The following C13orf46 variants were observed in gnomAD, a reference collection of about 807,000 sequenced individuals.
The protein encoded by C13orf46 is uncharacterized protein C13orf46.
chr13:113,936,891 T>C, the C13orf46 span, among the ~76,000 whole-genome samples: 1 of 152,228 alleles, frequency 6.6e-6, no homozygotes, highest in Admixed American at 6.5e-5. Context: ...AGTGACGTTA[T>C]CTGCGGGAGT....
the C13orf46 span, among the ~76,000 whole-genome samples, chr13:113,943,202 G>A: frequency 1.7e-3 from 259 of 152,292 alleles, 1 homozygote; most frequent in Middle Eastern, 6.8e-3. Context: ...ACAAGTGACC[G>A]TGGGCCATGA....
At chr13:113,948,783 C>G (rs1451088389), downstream of C13orf46, among the ~76,000 whole-genome samples, 1 of 152,176 alleles carries the variant, frequency 6.6e-6, no homozygotes, top group African/African-American at 2.4e-5. Flanking sequence ...CGAAGGAGAC[C>G]TGAATAAATT....
At chr13:113,945,585 G>A in the C13orf46 span, among the ~76,000 whole-genome samples, 60 of 134,046 alleles carry the variant, frequency 4.5e-4, no homozygotes, top group Middle Eastern at 0.011. Context: ...AAGAGAGAGA[G>A]AGAGAGAGAA....
rs2052511039 is a variant in C13orf46, at chr13:113,954,985, AGGAGGATC to A, written c.*1780_*1787del. The A allele has an allele frequency of 5.8e-6, 1 of 172,286 alleles. No individual in the cohort carries two copies. Among genetic ancestry groups the A allele is most frequent in the Non-Finnish European group, 1.2e-5 (1 of 81,822 alleles). The allele number at this position is 172,286 out of a possible 1,614,324, so 10.7% of individuals were successfully genotyped here. A position where few individuals can be genotyped will look rare whatever the true frequency, so the allele number is the denominator to read the frequency against. ...GGAGGAGGATCTGGCGGAGACGAGG[AGGAGGATC>A]TGGCAGAGAGGAGGAGTAGGATCTG... On this transcript the variant is annotated 3_prime_UTR_variant, in exon 7 of 7. Transcript: ENST00000636427.
At chr13:113,945,679 A>AAG in the C13orf46 span, among the ~76,000 whole-genome samples, 29 of 142,572 alleles carry the variant, frequency 2.0e-4, no homozygotes, top group African/African-American at 7.3e-4. Context: ...AAAGGAAAGA[A>AAG]AAACAAACCA....
At chr13:113,958,655 G>A (rs897338696) in intron 6 of C13orf46, among the ~76,000 whole-genome samples, 6 of 152,354 alleles carry the variant, frequency 3.9e-5, no homozygotes, top group South Asian at 2.1e-4. Context: ...GACGGCTCGC[G>A]GGCGACAGCC....
At chr13:113,937,047 G>T in the C13orf46 span, among the ~76,000 whole-genome samples, 3 of 152,276 alleles carry the variant, frequency 2.0e-5, no homozygotes, top group South Asian at 4.1e-4. Flanking sequence ...TTGCGGAAGG[G>T]TTATTATCAT....
chr13:113,945,865 G>A, the C13orf46 span, among the ~76,000 whole-genome samples: 149 of 152,196 alleles, frequency 9.8e-4, no homozygotes, highest in African/African-American at 3.3e-3. Context: ...TCTTATCCAG[G>A]CCATGTGACA....
At chr13:113,958,010 G>A (rs1216929089) in intron 6 of C13orf46, among the ~76,000 whole-genome samples, 1 of 145,714 alleles carries the variant, frequency 6.9e-6, no homozygotes, top group African/African-American at 2.6e-5. Flanking sequence ...CAAGCACACT[G>A]GGGGATCTCC....
the C13orf46 span, chr13:113,927,669 T>C: frequency 2.5e-6 from 1 of 398,492 alleles, no homozygotes; most frequent in Admixed American, 4.4e-5. Flanking sequence ...GAATAATTAA[T>C]AACTGTGACT....
rs2052534991 is a variant in C13orf46, at chr13:113,956,410, C to G, written c.*363G>C. The stretch of plus-strand genomic sequence containing the variant: ...AGCATCTGGTGGAGAGGAGGAGCAT[C>G]TGGTGGAGAGGAGGAGCATCTTCCC... On this transcript the variant is annotated 3_prime_UTR_variant, in exon 7 of 7. Coordinates refer to ENST00000636427, the MANE Select transcript of C13orf46 (RefSeq NM_001365455.2). The G allele has an allele frequency of 6.5e-6, 1 of 152,724 alleles. No individual in the cohort carries two copies. The highest frequency in any genetic ancestry group is 1.9e-4 in the South Asian group (1 of 5,384). 9.5% of individuals were successfully genotyped at this position (152,724 alleles called of 1,614,324 possible).
intron 1 of C13orf46, among the ~76,000 whole-genome samples, chr13:113,972,892 G>A (rs1055735659): frequency 1.3e-5 from 2 of 152,160 alleles, no homozygotes; most frequent in Non-Finnish European, 2.9e-5. Context: ...TCCCGCCCTT[G>A]GCTGTGCCCG....
downstream of C13orf46, among the ~76,000 whole-genome samples, chr13:113,952,459 G>A (rs2052493231): frequency 6.6e-6 from 1 of 152,194 alleles, no homozygotes; most frequent in Non-Finnish European, 1.5e-5. Flanking sequence ...CCACCTCGGA[G>A]GTGCAGGCAC....
At chr13:113,939,445 C>T in the C13orf46 span, among the ~76,000 whole-genome samples, 2 of 151,966 alleles carry the variant, frequency 1.3e-5, no homozygotes, top group Non-Finnish European at 2.9e-5. Context: ...CGGGGATCAC[C>T]CAACTGGGAA....
the C13orf46 span, among the ~76,000 whole-genome samples, chr13:113,939,332 G>A: frequency 4.0e-5 from 6 of 150,152 alleles, no homozygotes; most frequent in Middle Eastern, 3.2e-3. Context: ...GGGACCACCC[G>A]ATGGGGAGGA....
intron 1 of C13orf46, among the ~76,000 whole-genome samples, chr13:113,973,406 C>T (rs946430410): frequency 6.6e-6 from 1 of 152,126 alleles, no homozygotes; most frequent in Non-Finnish European, 1.5e-5. Context: ...AGTCACGGAG[C>T]CGGACGAGGA....
At chr13:113,932,639 G>C in the C13orf46 span, among the ~76,000 whole-genome samples, 6 of 152,138 alleles carry the variant, frequency 3.9e-5, no homozygotes, top group Non-Finnish European at 8.8e-5. Flanking sequence ...TTTTGAACAT[G>C]GTTTGCAAAT....
chr13:113,945,543 AAG>A, the C13orf46 span, among the ~76,000 whole-genome samples: 1 of 59,666 alleles, frequency 1.7e-5, no homozygotes, highest in Non-Finnish European at 4.0e-5. Flanking sequence ...GAATCTGAGA[AAG>A]AAAGAAAGAA....
At chr13:113,939,888 A>T in the C13orf46 span, among the ~76,000 whole-genome samples, 2 of 152,364 alleles carry the variant, frequency 1.3e-5, no homozygotes, top group African/African-American at 4.8e-5. Context: ...TTCAGCGTGA[A>T]AAACACTGGC....
Sources: allele counts gnomAD v4.1 joint callset (sites outside exome capture counted in the v4.1 genomes callset), GRCh38; gene constraint gnomAD v4.1.1; transcripts MANE v1.5; gene names NCBI Gene and HGNC (gene_info 2026-07-23, HGNC 2026-07-21).